The following TAFA1 variants were observed in gnomAD, a reference collection of about 807,000 sequenced individuals.
TAFA1 encodes TAFA chemokine like family member 1.
In TAFA1, 4 loss-of-function variants were observed where a neutral mutation model predicts 18.5. That is an observed-to-expected ratio of 0.22 (90% confidence interval 0.11 to 0.49). TAFA1 has a LOEUF of 0.49. Among genes scored for constraint, TAFA1 ranks in the 20% least tolerant of loss-of-function variants. TAFA1 has a pLI of 0.98. For missense variants in TAFA1, 147 were observed against 169.0 expected, an observed-to-expected ratio of 0.87 and a Z score of 0.72; for synonymous variants, 56 against 55.2, an observed-to-expected ratio of 1.01 and a Z score of -0.06.
At chr3:68,015,161 T>C (rs1704544382) in intron 2 of TAFA1, among the ~76,000 whole-genome samples, 1 of 152,194 alleles carries the variant, frequency 6.6e-6, no homozygotes, top group African/African-American at 2.4e-5. Flanking sequence ...AAACATTGTG[T>C]CTGTAAGCTA....
intron 2 of TAFA1, among the ~76,000 whole-genome samples, chr3:68,186,793 G>A (rs2066277530): frequency 6.6e-6 from 1 of 152,060 alleles, no homozygotes; most frequent in Admixed American, 6.6e-5. Flanking sequence ...AGGATGCATT[G>A]AATTGCTCCA....
intron 2 of TAFA1, among the ~76,000 whole-genome samples, chr3:68,054,340 G>A (rs1371043792): frequency 6.6e-6 from 1 of 152,064 alleles, no homozygotes; most frequent in Non-Finnish European, 1.5e-5. Context: ...GCTGTTAAAA[G>A]GAGCCTGGCA....
intron 3 of TAFA1, among the ~76,000 whole-genome samples, chr3:68,457,093 T>A (rs2071680349): frequency 6.6e-6 from 1 of 152,232 alleles, no homozygotes; most frequent in Non-Finnish European, 1.5e-5. Context: ...TAGAGTCACA[T>A]GGCATTTTAA....
intron 2 of TAFA1, among the ~76,000 whole-genome samples, chr3:68,370,787 T>TG (rs11438610): frequency 6.7e-6 from 1 of 148,514 alleles, no homozygotes; most frequent in African/African-American, 2.5e-5. Flanking sequence ...GTTGTTTTTT[T>TG]TTTTTTTTTT....
intron 3 of TAFA1, among the ~76,000 whole-genome samples, chr3:68,418,176 G>A (rs2070878301): frequency 2.0e-5 from 3 of 152,146 alleles, no homozygotes; most frequent in African/African-American, 7.2e-5. Flanking sequence ...CCACCAAACA[G>A]GCTTTGTGTG....
intron 2 of TAFA1, among the ~76,000 whole-genome samples, chr3:68,215,209 G>C (rs188262318): frequency 2.6e-5 from 4 of 152,102 alleles, no homozygotes; most frequent in Admixed American, 2.6e-4. Context: ...TATATGCCAA[G>C]CACTTTCCAT....
chr3:68,335,696 C>T lies in TAFA1; in HGVS notation c.119-81584C>T, dbSNP rs535681313. Among the ~76,000 whole-genome samples, 9 of 152,070 alleles carry T rather than the reference C, an allele frequency of 5.9e-5. No homozygotes were observed. In the East Asian group the frequency reaches 9.7e-4, roughly 16 times the overall value. On this transcript the variant is annotated intron_variant, in intron 2 of 4. Transcript: ENST00000478136. ...TATCCCAACTTTGGTAGGTTGAGTT[C>T]GCTTTTAAGAATTTCCATTAATTAT...
At chr3:68,015,137 T>C (rs1174719737) in intron 2 of TAFA1, among the ~76,000 whole-genome samples, 2 of 152,178 alleles carry the variant, frequency 1.3e-5, no homozygotes, top group Non-Finnish European at 2.9e-5. Flanking sequence ...TACTGAGTTA[T>C]ACCCAGCAGA....
chr3:67,999,742 TG>T (rs1306168994), upstream of TAFA1, among the ~76,000 whole-genome samples: 1 of 151,932 alleles, frequency 6.6e-6, no homozygotes, highest in Non-Finnish European at 1.5e-5. Context: ...CTTTACTTAG[TG>T]TCATTGCAAT....
chr3:68,417,353 A>G lies in TAFA1; in HGVS notation c.192A>G (p.Thr64=). ...NKNRIEERSQ[T]VKCSCLPGKV... is the part of the protein sequence containing the mutation. Reference sequence around the variant, plus strand: ...ATCGCATTGAGGAGCGGTCACAAACAGTAAAGTGTTCCTGTCTACCTGGAA... The same window carrying G: ...ATCGCATTGAGGAGCGGTCACAAACGGTAAAGTGTTCCTGTCTACCTGGAA... Residue 64 remains threonine (T), a synonymous_variant, in exon 3 of 5, where the codon ACA becomes ACG. Coordinates refer to ENST00000478136, the MANE Select transcript of TAFA1 (RefSeq NM_213609.4). The G allele has an allele frequency of 6.2e-7, 1 of 1,613,618 alleles. No individual in the cohort carries two copies. Among genetic ancestry groups the G allele is most frequent in the Non-Finnish European group, 8.5e-7 (1 of 1,179,694 alleles).
Position 68,298,879 on chromosome 3 carries a change from A to G in TAFA1, c.119-118401A>G, listed in dbSNP as rs890605621. ...TCTTATAGCAGTGTGACAATGGTCT[A>G]ATACAGTAAATTGGTACCTAGGTAG... On this transcript the variant is annotated intron_variant, in intron 2 of 4. Transcript: ENST00000478136. Among the ~76,000 whole-genome samples, 3 of 152,210 alleles carry G rather than the reference A, an allele frequency of 2.0e-5. 1 individual carries two copies. Among genetic ancestry groups the G allele is most frequent in the Non-Finnish European group, 4.4e-5 (3 of 68,046 alleles).
chr3:68,321,216 T>C (rs779673796), intron 2 of TAFA1, among the ~76,000 whole-genome samples: 1 of 152,184 alleles, frequency 6.6e-6, no homozygotes. Context: ...AATGAGAGCA[T>C]TGCCTGGCAC....
intron 2 of TAFA1, among the ~76,000 whole-genome samples, chr3:68,245,581 T>C (rs143758642): frequency 2.4e-4 from 37 of 152,338 alleles, no homozygotes; most frequent in African/African-American, 7.9e-4. Flanking sequence ...TGGAAGGGGA[T>C]TGATAGCAGA....
At chr3:68,248,568 C>T (rs922592226) in intron 2 of TAFA1, among the ~76,000 whole-genome samples, 3 of 151,906 alleles carry the variant, frequency 2.0e-5, no homozygotes, top group Admixed American at 1.3e-4. Flanking sequence ...GTAAATGCAC[C>T]TGACAACAAT....
intron 2 of TAFA1, among the ~76,000 whole-genome samples, chr3:68,101,987 C>T (rs992644261): frequency 2.0e-5 from 3 of 152,022 alleles, no homozygotes; most frequent in African/African-American, 4.8e-5. Flanking sequence ...CTTCAAGGTG[C>T]GGTAGGGTCA....
chr3:68,456,609 A>T (rs187665267), intron 3 of TAFA1, among the ~76,000 whole-genome samples: 4 of 152,156 alleles, frequency 2.6e-5, no homozygotes, highest in African/African-American at 9.6e-5. Context: ...TTACGCTGTC[A>T]GGTAATGACT....
At chr3:68,049,561 A>G (rs2064439695) in intron 2 of TAFA1, among the ~76,000 whole-genome samples, 1 of 151,992 alleles carries the variant, frequency 6.6e-6, no homozygotes, top group African/African-American at 2.4e-5. Flanking sequence ...ACAGAATTGT[A>G]CTACTATCAG....
rs139953253 is a variant in TAFA1, at chr3:68,475,385, C to T, written c.259+57965C>T. Among the ~76,000 whole-genome samples, 1,042 of 151,860 alleles carry T rather than the reference C, an allele frequency of 6.9e-3. 11 individuals carry two copies. Among genetic ancestry groups the T allele is most frequent in the African/African-American group, 0.024 (1,001 of 41,352 alleles). On this transcript the variant is annotated intron_variant, in intron 3 of 4. Coordinates refer to ENST00000478136, the MANE Select transcript of TAFA1 (RefSeq NM_213609.4). Reference sequence around the variant, plus strand: ...CCATGTGTTCTCACTGTTCAATTCCCACCTATGAGTGAGAACATGTCGTGT... The same window carrying T: ...CCATGTGTTCTCACTGTTCAATTCCTACCTATGAGTGAGAACATGTCGTGT...
At chr3:68,205,068 T>A (rs2107050958) in intron 2 of TAFA1, among the ~76,000 whole-genome samples, 1 of 151,954 alleles carries the variant, frequency 6.6e-6, no homozygotes, top group East Asian at 2.0e-4. Context: ...ATAACCCAGG[T>A]AAGCCCGAGA....
Sources: gnomAD v4.1 joint callset for allele counts (sites outside exome capture counted in the v4.1 genomes callset) on GRCh38, gnomAD v4.1.1 for gene constraint, MANE v1.5 for transcripts, NCBI Gene and HGNC (gene_info 2026-07-23, HGNC 2026-07-21) for gene names.